Variants in SAMD3 observed in about 807,000 individuals in gnomAD.
SAMD3 encodes sterile alpha motif domain-containing protein 3.
In SAMD3, 63 loss-of-function variants were observed where a neutral mutation model predicts 58.5. The observed-to-expected ratio is 1.08, with a 90% confidence interval of 0.88 to 1.33. SAMD3 has a LOEUF of 1.33. Ranked by LOEUF, SAMD3 falls within the 40% of genes most tolerant of loss-of-function variation. The pLI is 0.00. For missense variants in SAMD3, 604 were observed against 608.4 expected (o/e 0.99, Z 0.08); for synonymous variants, 220 against 210.3 (o/e 1.05, Z -0.40).
chr6:130,240,658 C>G (rs1269358540), intron 2 of SAMD3, among the ~76,000 whole-genome samples: 1 of 152,002 alleles, frequency 6.6e-6, no homozygotes, highest in African/African-American at 2.4e-5. Context: ...GTTGTGAGGG[C>G]CCTTCCCTTA....
intron 2 of SAMD3, among the ~76,000 whole-genome samples, chr6:130,264,210 C>G (rs1774251495): frequency 6.6e-6 from 1 of 152,164 alleles, no homozygotes; most frequent in African/African-American, 2.4e-5. Context: ...ATTCTACAGC[C>G]TGGAGTAATA....
chr6:130,264,462 T>C (rs1191838944), intron 2 of SAMD3, among the ~76,000 whole-genome samples: 2 of 152,210 alleles, frequency 1.3e-5, no homozygotes, highest in Admixed American at 1.3e-4. Context: ...TGGTGGACCT[T>C]TACTGGGCAC....
chr6:130,326,702 G>A (rs1339198685), intron 1 of SAMD3, among the ~76,000 whole-genome samples: 1 of 152,066 alleles, frequency 6.6e-6, no homozygotes, highest in African/African-American at 2.4e-5. Context: ...ATTTAGGATC[G>A]CCACTAATTA....
At position 130,214,398 on chromosome 6, in the gene SAMD3, G is replaced by T. The variant is rs771091095; in HGVS notation, c.208C>A (p.Leu70Met). 1 of 1,612,832 alleles carries T rather than the reference G, an allele frequency of 6.2e-7. No homozygotes were observed. Among genetic ancestry groups the T allele is most frequent in the East Asian group, 2.2e-5 (1 of 44,776 alleles). ...TTTTTGGGGTTTTCTGGGGACTTCAGTCCTTGAGTGTTCTGCTTGTATTTT... is the reference window on the plus strand; with the variant it reads ...TTTTTGGGGTTTTCTGGGGACTTCATTCCTTGAGTGTTCTGCTTGTATTTT... ...IKKYKQNTQG[L>M]KSPENPKKAA... The change falls in exon 4 of 12, where the codon CTG becomes ATG. Residue 70 changes from leucine (L) to methionine (M), a missense_variant. Coordinates refer to ENST00000439090, the MANE Select transcript of SAMD3 (RefSeq NM_001017373.4).
At chr6:130,258,478 T>A (rs1308900384) in intron 2 of SAMD3, among the ~76,000 whole-genome samples, 1 of 152,232 alleles carries the variant, frequency 6.6e-6, no homozygotes, top group African/African-American at 2.4e-5. Context: ...TTTGGGTTTA[T>A]CAACTAGTTA....
chr6:130,355,140 C>T (rs1377553019), intron 1 of SAMD3, among the ~76,000 whole-genome samples: 1 of 152,202 alleles, frequency 6.6e-6, no homozygotes, highest in Non-Finnish European at 1.5e-5. Flanking sequence ...AAGGATGCAA[C>T]TGCCCAGGCA....
intron 1 of SAMD3, among the ~76,000 whole-genome samples, chr6:130,315,411 T>C (rs868307939): frequency 2.6e-5 from 4 of 152,196 alleles, no homozygotes; most frequent in Admixed American, 6.5e-5. Context: ...GATTGAGTTA[T>C]GTGACCTTAC....
chr6:130,227,542 C>T (rs771913065), upstream of SAMD3, among the ~76,000 whole-genome samples: 4 of 152,150 alleles, frequency 2.6e-5, no homozygotes, highest in Non-Finnish European at 5.9e-5. Context: ...AATCCCAGAA[C>T]TTTGAGAGGC....
intron 2 of SAMD3, among the ~76,000 whole-genome samples, chr6:130,308,383 C>CTATTCTATTCTATTCTATTCTATTCTATT (rs1775999885): frequency 2.1e-5 from 3 of 140,298 alleles, no homozygotes; most frequent in African/African-American, 8.3e-5. Flanking sequence ...CTATTCTATT[C>CTATTCTATTCTATTCTATTCTATTCTATT]TATTCTATTC....
At chr6:130,358,272 G>C (rs1157735514) in intron 1 of SAMD3, among the ~76,000 whole-genome samples, 1 of 152,204 alleles carries the variant, frequency 6.6e-6, no homozygotes, top group Admixed American at 6.5e-5. Context: ...GCTTCACATT[G>C]ATTACACTTG....
At chr6:130,200,813 G>A (rs2114785934) in intron 5 of SAMD3, among the ~76,000 whole-genome samples, 1 of 152,166 alleles carries the variant, frequency 6.6e-6, no homozygotes, top group Admixed American at 6.5e-5. Flanking sequence ...TCTGTTGAGT[G>A]TTTTCTATAT....
At chr6:130,266,468 A>C (rs1298224094) in intron 2 of SAMD3, among the ~76,000 whole-genome samples, 2 of 152,190 alleles carry the variant, frequency 1.3e-5, no homozygotes, top group African/African-American at 4.8e-5. Context: ...CTGTATAGCA[A>C]GAGTAGGGAA....
intron 7 of SAMD3, among the ~76,000 whole-genome samples, chr6:130,183,746 C>G (rs573037158): frequency 1.3e-5 from 2 of 151,960 alleles, no homozygotes; most frequent in African/African-American, 4.8e-5. Context: ...AACATGATGA[C>G]AGAGAGAGAC....
At chr6:130,307,463 C>A (rs1775946613) in intron 2 of SAMD3, among the ~76,000 whole-genome samples, 1 of 152,058 alleles carries the variant, frequency 6.6e-6, no homozygotes, top group Admixed American at 6.5e-5. Flanking sequence ...AATAAGAGTT[C>A]TTCAAAGACC....
chr6:130,190,277 C>T (rs140021308), intron 5 of SAMD3, among the ~76,000 whole-genome samples: 1 of 151,360 alleles, frequency 6.6e-6, no homozygotes, highest in Non-Finnish European at 1.5e-5. Context: ...AGACTCCACA[C>T]TGTAACATTC....
At chr6:130,250,520 A>G (rs1463652150) in intron 2 of SAMD3, among the ~76,000 whole-genome samples, 1 of 152,166 alleles carries the variant, frequency 6.6e-6, no homozygotes, top group East Asian at 1.9e-4. Flanking sequence ...CTATCACCTC[A>G]ATTTAAGACT....
intron 7 of SAMD3, 90 bp downstream of exon 7, chr6:130,184,013 G>T: frequency 1.1e-6 from 1 of 939,366 alleles, no homozygotes; most frequent in Non-Finnish European, 1.7e-6. Context: ...ACCAAGAAAA[G>T]ATGGGTGAAG....
chr6:130,350,802 A>C (rs1777631504), intron 1 of SAMD3, among the ~76,000 whole-genome samples: 1 of 152,232 alleles, frequency 6.6e-6, no homozygotes, highest in Admixed American at 6.5e-5. Flanking sequence ...AGCTGGAGGC[A>C]TCACGCTACC....
At chr6:130,313,741 A>G (rs1776266295) in intron 1 of SAMD3, among the ~76,000 whole-genome samples, 1 of 152,192 alleles carries the variant, frequency 6.6e-6, no homozygotes, top group Admixed American at 6.5e-5. Flanking sequence ...CTTTCAGTCT[A>G]TCCTCCAGTT....
Sources: allele counts gnomAD v4.1 joint callset (sites outside exome capture counted in the v4.1 genomes callset), GRCh38; gene constraint gnomAD v4.1.1; transcripts MANE v1.5; gene names NCBI Gene and HGNC (gene_info 2026-07-23, HGNC 2026-07-21).